The following CCDC174 variants were observed in gnomAD, a reference collection of about 807,000 sequenced individuals.
CCDC174 encodes coiled-coil domain containing 174.
A neutral mutation model predicts 57.1 loss-of-function variants in CCDC174; 37 were observed. The observed-to-expected ratio is 0.65, with a 90% CI of 0.50 to 0.85. The LOEUF is 0.85. Ranked by LOEUF, CCDC174 falls within the 40% of genes least tolerant of loss-of-function variation. CCDC174 has a pLI of 0.00. For synonymous variants in CCDC174, 182 were observed against 190.2 expected (o/e 0.96, Z 0.35); for missense variants, 540 against 574.3 (o/e 0.94, Z 0.61).
At chr3:14,667,826 G>T (rs1483604556) in intron 8 of CCDC174, among the ~76,000 whole-genome samples, 1 of 152,116 alleles carries the variant, frequency 6.6e-6, no homozygotes, top group Non-Finnish European at 1.5e-5. Flanking sequence ...GAGTGTTAAG[G>T]CTTGCAAGAT....
Position 14,672,460 on chromosome 3 carries a change from GAC to G in CCDC174, c.*1268_*1269del, listed in dbSNP as rs2031551866. 6.6e-6 allele frequency: 1 copy of G among 152,214 alleles called. No individual in the cohort carries two copies. The highest frequency in any genetic ancestry group is 2.1e-4 in the South Asian group (1 of 4,828). The allele number at this position is 152,214 out of a possible 1,614,324, so 9.4% of individuals were successfully genotyped here. ...AAACACAATTGATGTCTAACCCCTAGACAGTCTTTTTAGTGCCCTCTGCTCTC... is the reference window on the plus strand; with the variant it reads ...AAACACAATTGATGTCTAACCCCTAGAGTCTTTTTAGTGCCCTCTGCTCTC... On this transcript the variant is annotated 3_prime_UTR_variant, in exon 11 of 11. Transcript: ENST00000383794.
chr3:14,670,630 T>A (rs1459385448), intron 10 of CCDC174, among the ~76,000 whole-genome samples: 1 of 152,232 alleles, frequency 6.6e-6, no homozygotes, highest in Non-Finnish European at 1.5e-5. Context: ...ACCTACAATG[T>A]CATGTCAAGC....
intron 5 of CCDC174, 43 bp from the exon 6 acceptor site, chr3:14,664,985 A>G (rs756067063): frequency 1.4e-6 from 2 of 1,415,946 alleles, no homozygotes; most frequent in Non-Finnish European, 2.0e-6. Flanking sequence ...GGGCTTGTAC[A>G]TGTGTACAAG....
At position 14,671,293 on chromosome 3, in the gene CCDC174, C is replaced by A; in HGVS notation, c.*99C>A. 7.9e-7 allele frequency: 1 copy of A among 1,267,434 alleles called. No individual in the cohort carries two copies. Among genetic ancestry groups the A allele is most frequent in the Non-Finnish European group, 1.1e-6 (1 of 918,914 alleles). The allele number at this position is 1,267,434 out of a possible 1,614,324, so 78.5% of individuals were successfully genotyped here. On this transcript the variant is annotated 3_prime_UTR_variant, in exon 11 of 11. Transcript: ENST00000383794. ...GAACTGAATTGTACCTTTGTCCTGT[C>A]CTTTCCCTAGGAGGCACAGACTTCG...
chr3:14,651,908 G>A (rs1305473140), intron 1 of CCDC174, 30 bp downstream of exon 1: 13 of 1,609,606 alleles, frequency 8.1e-6, no homozygotes, highest in African/African-American at 2.7e-5. Context: ...AACTCCACGG[G>A]CTCCGGGTTC....
chr3:14,667,236 G>T, intron 7 of CCDC174, 188 bp from the exon 8 acceptor site: 1 of 630,186 alleles, frequency 1.6e-6, no homozygotes, highest in South Asian at 2.1e-5. Flanking sequence ...TGGCAAACAG[G>T]ACGAAAACTT....
rs145581381 is a variant in CCDC174 at position 14,670,941 on chromosome 3, C to T, written c.1151C>T (p.Ala384Val). The change falls in exon 11 of 11, where the codon GCT becomes GTT. Residue 384 changes from alanine to valine, a missense_variant. Physicochemically the swap from Ala to Val is moderately conservative, Grantham distance 64. Transcript: ENST00000383794. Reference sequence around the variant, plus strand: ...TCGAAGAGGCAGTCAGATCTCCGGGCTGAGAGAGATCCTGAGTTTGCCCCG... The same window carrying T: ...TCGAAGAGGCAGTCAGATCTCCGGGTTGAGAGAGATCCTGAGTTTGCCCCG... Reference protein sequence around the residue: ...YWSKRQSDLRAERDPEFAPPS... With the variant: ...YWSKRQSDLRVERDPEFAPPS... 3.7e-6 allele frequency: 6 copies of T among 1,613,898 alleles called. No individual in the cohort carries two copies. Among genetic ancestry groups the T allele is most frequent in the African/African-American group, 2.7e-5 (2 of 74,918 alleles).
In CCDC174 at chr3:14,666,831, C is replaced by G; in HGVS notation, c.608C>G (p.Thr203Ser). The change falls in exon 7 of 11, where the codon ACC (threonine) becomes AGC (serine). Residue 203 changes from threonine to serine, a missense_variant. Thr to Ser is a moderately conservative substitution (Grantham distance 58, BLOSUM62 1). Coordinates refer to ENST00000383794, the MANE Select transcript of CCDC174 (RefSeq NM_016474.5). ...RLFISPANEK[T>S]LLSEDMRKEL... Reference sequence around the variant, plus strand: ...TTTATTAGTCCTGCTAATGAAAAAACCCTATTATCTGAAGATATGAGAAAA... The same window carrying G: ...TTTATTAGTCCTGCTAATGAAAAAAGCCTATTATCTGAAGATATGAGAAAA... 1.3e-6 allele frequency: 2 copies of G among 1,587,928 alleles called. No individual in the cohort carries two copies. The highest frequency in any genetic ancestry group is 1.7e-6 in the Non-Finnish European group (2 of 1,173,516).
intron 5 of CCDC174, among the ~76,000 whole-genome samples, chr3:14,664,448 G>C (rs949482919): frequency 2.6e-5 from 4 of 152,204 alleles, no homozygotes; most frequent in African/African-American, 9.7e-5. Flanking sequence ...TGGCTTAGCT[G>C]TCTGACCACT....
chr3:14,653,277 A>G (rs1343289484), intron 1 of CCDC174, among the ~76,000 whole-genome samples: 1 of 152,222 alleles, frequency 6.6e-6, no homozygotes, highest in African/African-American at 2.4e-5. Context: ...AGTTAAAGGC[A>G]GTTGTAGACT....
chr3:14,668,616 G>T (rs2031417977), intron 9 of CCDC174, among the ~76,000 whole-genome samples: 1 of 152,126 alleles, frequency 6.6e-6, no homozygotes, highest in Non-Finnish European at 1.5e-5. Context: ...GCTTACCAAA[G>T]AACTGTGCTC....
intron 9 of CCDC174, among the ~76,000 whole-genome samples, chr3:14,669,169 C>T (rs1488731287): frequency 6.6e-6 from 1 of 152,172 alleles, no homozygotes. Context: ...GGGGGGCATT[C>T]TGTTACCCAA....
chr3:14,667,565 G>C (rs1445659905), intron 8 of CCDC174, 47 bp downstream of exon 8: 1 of 1,425,688 alleles, frequency 7.0e-7, no homozygotes, highest in African/African-American at 1.4e-5. Context: ...TGAGCGCTTG[G>C]TTTCTTGCTG....
Position 14,654,428 on chromosome 3 carries a change from G to A in CCDC174, c.45G>A (p.Leu15=). 1 of 1,545,182 alleles carries A rather than the reference G, an allele frequency of 6.5e-7. No individual in the cohort carries two copies. The highest frequency in any genetic ancestry group is 8.9e-7 in the Non-Finnish European group (1 of 1,126,730). ...TTTACTTACTGCTTTCATTCTAGTT[G>A]GTAGATCTTAAGGCTGAACTCTTCC... ...KKPLDVTASS[L]VDLKAELFRK... is the part of the protein sequence containing the mutation. Residue 15 remains leucine, a splice_region_variant and synonymous_variant, in exon 2 of 11, where the codon TTG becomes TTA. Coordinates refer to ENST00000383794, the MANE Select transcript of CCDC174 (RefSeq NM_016474.5).
chr3:14,666,958 T>C lies in CCDC174; in HGVS notation c.724+11T>C. ...ACATTCGGGAAAATGGTATGACTAT[T>C]TTCTTGCAGCTTTGCAAATCTTATT... is the stretch of plus-strand genomic sequence containing the variant. On this transcript the variant is annotated intron_variant, in intron 7 of 10. Transcript: ENST00000383794. 4 of 1,569,724 alleles carry C rather than the reference T, an allele frequency of 2.5e-6. No individual in the cohort carries two copies. Among genetic ancestry groups the C allele is most frequent in the Non-Finnish European group, 3.4e-6 (4 of 1,165,910 alleles).
rs1261667559 is a variant in CCDC174, at chr3:14,661,709, T to C, written c.485+2T>C. 2 of 1,609,390 alleles carry C rather than the reference T, an allele frequency of 1.2e-6. No individual in the cohort carries two copies. Among genetic ancestry groups the C allele is most frequent in the Non-Finnish European group, 1.7e-6 (2 of 1,178,254 alleles). On this transcript the variant is annotated splice_donor_variant, in intron 5 of 10. Coordinates refer to ENST00000383794, the MANE Select transcript of CCDC174 (RefSeq NM_016474.5). LOFTEE classifies it high-confidence loss of function. Reference sequence around the variant, plus strand: ...TCCCCAAGACCCCAGTGAAGAATGGTTGGTAACATCATGGATTAGCTCAGA... The same window carrying C: ...TCCCCAAGACCCCAGTGAAGAATGGCTGGTAACATCATGGATTAGCTCAGA...
chr3:14,668,258 A>G (rs994716582), intron 9 of CCDC174, 77 bp downstream of exon 9: 10 of 1,384,872 alleles, frequency 7.2e-6, no homozygotes, highest in Non-Finnish European at 9.9e-6. Flanking sequence ...AGGGCTGGCA[A>G]TGTGAAAATT....
chr3:14,668,118 G>A lies in CCDC174; in HGVS notation c.889G>A (p.Ala297Thr). 1 of 1,611,008 alleles carries A rather than the reference G, an allele frequency of 6.2e-7. No homozygotes were observed. Among genetic ancestry groups the A allele is most frequent in the Non-Finnish European group, 8.5e-7 (1 of 1,178,700 alleles). ...AAAGGCTATCTTAGAGGCAAGACTT[G>A]CCAAACTTCGACAAAAAAAGATGAA... Reference protein sequence around the residue: ...KRKAILEARLAKLRQKKMKKS... With the variant: ...KRKAILEARLTKLRQKKMKKS... The change falls in exon 9 of 11, where the codon GCC becomes ACC. Residue 297 changes from alanine to threonine, a missense_variant. By Grantham distance (58) the Ala-to-Thr change is moderately conservative. Transcript: ENST00000383794.
rs760618729 is a variant in CCDC174 at position 14,658,855 on chromosome 3, A to AT, written c.249-8dup. 15 of 1,542,834 alleles carry AT rather than the reference A, an allele frequency of 9.7e-6. No individual in the cohort carries two copies. The highest frequency in any genetic ancestry group is 3.6e-5 in the Admixed American group (2 of 56,212). On this transcript the variant is annotated splice_polypyrimidine_tract_variant and intron_variant, in intron 3 of 10. Transcript: ENST00000383794. ...TTATAAGACCATTTCTAATACTTGT[A>AT]TTTTTTTTCTCCTAGGGAAAAATTG...
Sources: allele counts gnomAD v4.1 joint callset (sites outside exome capture counted in the v4.1 genomes callset), GRCh38; gene constraint gnomAD v4.1.1; transcripts MANE v1.5; gene names NCBI Gene and HGNC (gene_info 2026-07-23, HGNC 2026-07-21).